DBET: variants seen among roughly 807,000 people sequenced by gnomAD.
DBET encodes D4Z4 binding element transcript.
exon 1 of DBET, chr4:190,065,048 A>G (rs73014538): frequency 0.022 from 9,518 of 436,052 alleles, 1,948 homozygotes; most frequent in East Asian, 0.14. Context: ...ATTCGAACTC[A>G]CAGGCAAAAT....
rs1211806235 is a variant in DBET at position 190,065,205 on chromosome 4, G to C, written n.704G>C. ...TGCCTCAAGTCAGAAGTGTGTGAGG[G>C]GAGATGGGGAGACATTGGGATGCGC... On this transcript the variant is annotated non_coding_transcript_exon_variant, in exon 1 of 1. Coordinates refer to ENST00000630918, the Ensembl canonical transcript of DBET. 1.5e-5 allele frequency: 9 copies of C among 583,740 alleles called. 1 individual carries two copies. The highest frequency in any genetic ancestry group is 2.7e-5 in the African/African-American group (1 of 36,810). 36.2% of individuals were successfully genotyped at this position (583,740 alleles called of 1,614,324 possible). A position where few individuals can be genotyped will look rare whatever the true frequency, so the allele number is the denominator to read the frequency against.
At position 190,065,179 on chromosome 4, in the gene DBET, G is replaced by C. The variant is rs1220582411; in HGVS notation, n.678G>C. On this transcript the variant is annotated non_coding_transcript_exon_variant, in exon 1 of 1. Transcript: ENST00000630918. ...TCATGCCATTATTTATAAATCTATT[G>C]TGCCTCAAGTCAGAAGTGTGTGAGG... 1.3e-5 allele frequency: 7 copies of C among 532,296 alleles called. 2 individuals carry two copies. Among genetic ancestry groups the C allele is most frequent in the South Asian group, 5.5e-5 (3 of 54,092 alleles). 33.0% of individuals were successfully genotyped at this position (532,296 alleles called of 1,614,324 possible).
chr4:190,065,086 T>C lies in DBET; in HGVS notation n.585T>C. The C allele has an allele frequency of 1.3e-5, 6 of 459,094 alleles. No individual in the cohort carries two copies. The South Asian group carries it at 1.6e-4, about 12-fold the overall frequency. The allele number at this position is 459,094 out of a possible 1,614,324, so 28.4% of individuals were successfully genotyped here. A position where few individuals can be genotyped will look rare whatever the true frequency, so the allele number is the denominator to read the frequency against. On this transcript the variant is annotated non_coding_transcript_exon_variant, in exon 1 of 1. Coordinates refer to ENST00000630918, the Ensembl canonical transcript of DBET. ...TCCCAGAATCTTGTGAGAACATAAA[T>C]GATCTGACTAGTTTGGCATTGCTTT...
At position 190,065,221 on chromosome 4, in the gene DBET, T is replaced by A. The variant is rs578161038; in HGVS notation, n.720T>A. ...TGTGTGAGGGGAGATGGGGAGACAT[T>A]GGGATGCGCGCGCCTGGGGCTCTCC... On this transcript the variant is annotated non_coding_transcript_exon_variant, in exon 1 of 1. Coordinates refer to ENST00000630918, the Ensembl canonical transcript of DBET. The A allele has an allele frequency of 1.0e-4, 59 of 581,516 alleles. 2 individuals carry two copies. The highest frequency in any genetic ancestry group is 5.4e-4 in the Admixed American group (20 of 37,304). The allele number at this position is 581,516 out of a possible 1,614,324, so 36.0% of individuals were successfully genotyped here.
chr4:190,065,031 A>G (rs1290215461), exon 1 of DBET: 1 of 427,772 alleles, frequency 2.3e-6, no homozygotes, highest in Non-Finnish European at 4.1e-6. Context: ...CCAGAATCTT[A>G]AAGTGCATTC....
At chr4:190,065,871 A>T (rs1179223493) in exon 1 of DBET, 1 of 104,904 alleles carries the variant, frequency 9.5e-6, no homozygotes, top group Admixed American at 1.8e-4. Flanking sequence ...CGCTGGAAGC[A>T]CCCCTCAGCG....
At chr4:190,065,817 A>T in exon 1 of DBET, 1 of 67,852 alleles carries the variant, frequency 1.5e-5, no homozygotes, top group Non-Finnish European at 3.1e-5. Flanking sequence ...CCTCTCCTAG[A>T]AACGGAGGCC....
At position 190,065,314 on chromosome 4, in the gene DBET, G is replaced by A. The variant is rs1207096155; in HGVS notation, n.813G>A. 14 of 468,662 alleles carry A rather than the reference G, an allele frequency of 3.0e-5. 1 individual carries two copies. The highest frequency in any genetic ancestry group is 3.4e-5 in the East Asian group (1 of 29,084). The allele number at this position is 468,662 out of a possible 1,614,324, so 29.0% of individuals were successfully genotyped here. A position where few individuals can be genotyped will look rare whatever the true frequency, so the allele number is the denominator to read the frequency against. The stretch of plus-strand genomic sequence containing the variant: ...CGCTGCAGCCCAGCCAGGCCGCGCC[G>A]GCAGAGGGGATCTCCCAACCTGCCC... On this transcript the variant is annotated non_coding_transcript_exon_variant, in exon 1 of 1. Transcript: ENST00000630918.
exon 1 of DBET, chr4:190,064,601 C>T (rs1263565034): frequency 7.2e-6 from 1 of 138,772 alleles, no homozygotes; most frequent in East Asian, 1.9e-4. Flanking sequence ...TCCATCATGT[C>T]CTTCAGCACT....
exon 1 of DBET, chr4:190,065,089 T>A (rs1186517138): frequency 2.2e-6 from 1 of 460,528 alleles, no homozygotes; most frequent in South Asian, 2.6e-5. Flanking sequence ...ACATAAATGA[T>A]CTGACTAGTT....
In DBET at chr4:190,065,188, G is replaced by C. The variant is rs200437083; in HGVS notation, n.687G>C. Reference sequence around the variant, plus strand: ...TATTTATAAATCTATTGTGCCTCAAGTCAGAAGTGTGTGAGGGGAGATGGG... The same window carrying C: ...TATTTATAAATCTATTGTGCCTCAACTCAGAAGTGTGTGAGGGGAGATGGG... On this transcript the variant is annotated non_coding_transcript_exon_variant, in exon 1 of 1. Transcript: ENST00000630918. 41 of 578,420 alleles carry C rather than the reference G, an allele frequency of 7.1e-5. 3 individuals are homozygous for C. The highest frequency in any genetic ancestry group is 2.5e-4 in the East Asian group (8 of 31,922). The allele number at this position is 578,420 out of a possible 1,614,324, so 35.8% of individuals were successfully genotyped here. A position where few individuals can be genotyped will look rare whatever the true frequency, so the allele number is the denominator to read the frequency against.
chr4:190,065,769 A>G (rs1553971703), exon 1 of DBET: 1 of 30,828 alleles, frequency 3.2e-5, no homozygotes, highest in South Asian at 9.6e-5. Context: ...CTGCTGGATG[A>G]GCTCCTGGCG....
rs151123004 is a variant in DBET, at chr4:190,065,131, G to T, written n.630G>T. 10 of 467,548 alleles carry T rather than the reference G, an allele frequency of 2.1e-5. 1 individual carries two copies. The highest frequency in any genetic ancestry group is 4.4e-5 in the Admixed American group (1 of 22,672). 29.0% of individuals were successfully genotyped at this position (467,548 alleles called of 1,614,324 possible). A position where few individuals can be genotyped will look rare whatever the true frequency, so the allele number is the denominator to read the frequency against. The stretch of plus-strand genomic sequence containing the variant: ...TGCTTTTGGGGATCTGGGAAAATCT[G>T]TGCACACTTCTGGAGACCCTTGTCA... On this transcript the variant is annotated non_coding_transcript_exon_variant, in exon 1 of 1. Coordinates refer to ENST00000630918, the Ensembl canonical transcript of DBET.
In DBET at chr4:190,064,836, G is replaced by C. The variant is rs1158466603; in HGVS notation, n.335G>C. On this transcript the variant is annotated non_coding_transcript_exon_variant, in exon 1 of 1. Coordinates refer to ENST00000630918, the Ensembl canonical transcript of DBET. Reference sequence around the variant, plus strand: ...ACCAATGAAAAAAAAATTTACAAGAGAAAAACAAAAAACCCTATTAAACGT... The same window carrying C: ...ACCAATGAAAAAAAAATTTACAAGACAAAAACAAAAAACCCTATTAAACGT... 1.7e-4 allele frequency: 24 copies of C among 139,082 alleles called. 2 individuals are homozygous for C. In the East Asian group the frequency reaches 3.6e-3, roughly 21 times the overall value. 8.6% of individuals were successfully genotyped at this position (139,082 alleles called of 1,614,324 possible).
chr4:190,065,113 G>C lies in DBET; in HGVS notation n.612G>C, dbSNP rs797040128. The C allele has an allele frequency of 4.7e-5, 22 of 463,272 alleles. 5 individuals carry two copies. Among genetic ancestry groups the C allele is most frequent in the African/African-American group, 1.1e-4 (4 of 35,664 alleles). The allele number at this position is 463,272 out of a possible 1,614,324, so 28.7% of individuals were successfully genotyped here. A position where few individuals can be genotyped will look rare whatever the true frequency, so the allele number is the denominator to read the frequency against. On this transcript the variant is annotated non_coding_transcript_exon_variant, in exon 1 of 1. Transcript: ENST00000630918. ...ATCTGACTAGTTTGGCATTGCTTTT[G>C]GGGATCTGGGAAAATCTGTGCACAC... is the stretch of plus-strand genomic sequence containing the variant.
chr4:190,064,631 A>C lies in DBET; in HGVS notation n.130A>C, dbSNP rs1318095630. ...AGCACTCCACATCAGGAGAGAAAGAATCTAGTCATTAGACAATTTATCAAA... is the reference window on the plus strand; with the variant it reads ...AGCACTCCACATCAGGAGAGAAAGACTCTAGTCATTAGACAATTTATCAAA... On this transcript the variant is annotated non_coding_transcript_exon_variant, in exon 1 of 1. Transcript: ENST00000630918. 4.4e-5 allele frequency: 6 copies of C among 137,436 alleles called. 1 individual carries two copies. The highest frequency in any genetic ancestry group is 2.1e-4 in the Admixed American group (3 of 14,158). 8.5% of individuals were successfully genotyped at this position (137,436 alleles called of 1,614,324 possible).
chr4:190,064,956 A>T (rs1389926880), exon 1 of DBET: 2 of 296,756 alleles, frequency 6.7e-6, no homozygotes, highest in Non-Finnish European at 1.2e-5. Context: ...TTGCTGTAAC[A>T]GAGGAACATT....
exon 1 of DBET, chr4:190,065,683 G>A: frequency 1.6e-5 from 1 of 61,828 alleles, no homozygotes; most frequent in Non-Finnish European, 3.0e-5. Context: ...CGCGGCAGGG[G>A]CAGATGCAAG....
chr4:190,065,703 C>T (rs1579773690), exon 1 of DBET: 1 of 57,808 alleles, frequency 1.7e-5, no homozygotes, highest in Non-Finnish European at 3.3e-5. Flanking sequence ...GGCATCCCGG[C>T]GCCCTCCCAG....
Sources: gnomAD v4.1 joint callset for allele counts on GRCh38, gnomAD v4.1.1 for gene constraint, MANE v1.5 for transcripts, NCBI Gene and HGNC (gene_info 2026-07-23, HGNC 2026-07-21) for gene names.